FBN3: variants seen among roughly 807,000 people sequenced by gnomAD.
FBN3 encodes the protein fibrillin 3.
A neutral mutation model predicts 330.1 loss-of-function variants in FBN3; 234 were observed. That is an observed-to-expected ratio of 0.71 (90% CI 0.64 to 0.79). The LOEUF is 0.79. Among genes scored for constraint, FBN3 ranks in the 30% least tolerant of loss-of-function variants. FBN3 has a pLI of 0.00. For synonymous variants in FBN3, 1,458 were observed against 1,517.3 expected (o/e 0.96, Z 0.91); for missense variants, 3,606 against 3,886.9 (o/e 0.93, Z 1.92).
intron 18 of FBN3, among the ~76,000 whole-genome samples, 155 bp downstream of exon 18, chr19:8,128,871 ATG>A (rs113153006): frequency 0.018 from 2,721 of 152,266 alleles, 88 homozygotes; most frequent in African/African-American, 0.063. Flanking sequence ...GTGTGCATAT[ATG>A]TGTGTGTGCA....
chr19:8,100,119 A>G (rs1435777534), intron 41 of FBN3, among the ~76,000 whole-genome samples: 2 of 152,056 alleles, frequency 1.3e-5, no homozygotes, highest in African/African-American at 4.8e-5. Flanking sequence ...AACAAATCCT[A>G]CGTGGTTCCA....
chr19:8,102,343 T>C (rs1281360678), intron 40 of FBN3, among the ~76,000 whole-genome samples: 1 of 152,064 alleles, frequency 6.6e-6, no homozygotes, highest in Non-Finnish European at 1.5e-5. Context: ...GCCTCCCAAG[T>C]AGCTGGGATT....
At chr19:8,120,770 C>A (rs2082828309) in intron 25 of FBN3, among the ~76,000 whole-genome samples, 1 of 152,240 alleles carries the variant, frequency 6.6e-6, no homozygotes, top group South Asian at 2.1e-4. Context: ...GGCCACTGCA[C>A]CCAGCCCAGT....
intron 13 of FBN3, 25 bp downstream of exon 13, chr19:8,135,936 G>GCA: frequency 2.1e-5 from 14 of 668,770 alleles, no homozygotes; most frequent in South Asian, 4.9e-5. Context: ...GGAAGCCCCT[G>GCA]CCCACCCGCC....
chr19:8,113,090 C>T (rs1002130168), intron 30 of FBN3, among the ~76,000 whole-genome samples: 1 of 152,148 alleles, frequency 6.6e-6, no homozygotes, highest in Non-Finnish European at 1.5e-5. Context: ...GAGGTCATCC[C>T]GGATTAGTGT....
chr19:8,120,689 C>A (rs548333944), intron 25 of FBN3, among the ~76,000 whole-genome samples: 11 of 152,310 alleles, frequency 7.2e-5, no homozygotes, highest in Admixed American at 6.5e-4. Flanking sequence ...GTTGCCCAGG[C>A]TGGCCTCGAA....
chr19:8,089,040 GAATGAGTGAATAAGTGAGTA>G (rs1413446999), intron 51 of FBN3, among the ~76,000 whole-genome samples: 2 of 152,044 alleles, frequency 1.3e-5, no homozygotes, highest in African/African-American at 4.8e-5. Flanking sequence ...GCAAATGAGT[GAATGAGTGAATAAGTGAGTA>G]AATGAATAAG....
rs1311732803 is a variant in FBN3 at position 8,131,329 on chromosome 19, A to G, written c.1991-41T>C. The G allele has an allele frequency of 6.2e-7, 1 of 1,603,446 alleles. No homozygotes were observed. The highest frequency in any genetic ancestry group is 8.5e-7 in the Non-Finnish European group (1 of 1,174,238). On this transcript the variant is annotated intron_variant, in intron 15 of 63. Transcript: ENST00000600128. This position sits in a 1 kb window ranked among gnomAD's most constrained non-coding sequence, Gnocchi z 4.5. ...CAGAGTGAGACGGGTCAGGGAGCTTAGCCATGGCTCGGATTCAGCCACAGG... is the reference window on the plus strand; with the variant it reads ...CAGAGTGAGACGGGTCAGGGAGCTTGGCCATGGCTCGGATTCAGCCACAGG...
At chr19:8,116,632 TG>T in intron 29 of FBN3, 41 bp downstream of exon 29, 1 of 1,582,014 alleles carries the variant, frequency 6.3e-7, no homozygotes, top group Non-Finnish European at 8.7e-7. Flanking sequence ...ATTCTGACAC[TG>T]CCTCCTCCAC....
chr19:8,109,856 C>T lies in FBN3; in HGVS notation c.4334-103G>A. On this transcript the variant is annotated intron_variant, in intron 34 of 63. Transcript: ENST00000600128. This position sits in a 1 kb window ranked among gnomAD's most constrained non-coding sequence, Gnocchi z 5.2. ...TACAGCCCTCGCTCAAGGTCAACTC[C>T]TGGGCACCAGATTGTGGGACAATGT... 1 of 1,279,952 alleles carries T rather than the reference C, an allele frequency of 7.8e-7. No homozygotes were observed. The highest frequency in any genetic ancestry group is 1.9e-5 in the South Asian group (1 of 51,744). 79.3% of individuals were successfully genotyped at this position (1,279,952 alleles called of 1,614,324 possible).
chr19:8,097,288 C>A lies in FBN3; in HGVS notation c.5287+1G>T, dbSNP rs2082232240. On this transcript the variant is annotated splice_donor_variant, in intron 42 of 63. Transcript: ENST00000600128. LOFTEE classifies it high-confidence loss of function. ...GGGCTGGGAACAGGGAGAGGTGGCACCTTCACAAGCCAGCAGGATGCTGTT... is the reference window on the plus strand; with the variant it reads ...GGGCTGGGAACAGGGAGAGGTGGCAACTTCACAAGCCAGCAGGATGCTGTT... 2 of 1,602,868 alleles carry A rather than the reference C, an allele frequency of 1.2e-6. No individual in the cohort carries two copies. The highest frequency in any genetic ancestry group is 1.7e-6 in the Non-Finnish European group (2 of 1,171,704).
In FBN3 at chr19:8,109,627, T is replaced by C. The variant is rs76556785; in HGVS notation, c.4456+4A>G. 157,155 of 1,591,188 alleles carry C rather than the reference T, an allele frequency of 0.099. 8,633 individuals carry two copies. Among genetic ancestry groups the C allele is most frequent in the South Asian group, 0.12 (10,495 of 87,206 alleles). The stretch of plus-strand genomic sequence containing the variant: ...CCCTGATCTGGAGTTGAGCATGGAC[T>C]CACCCACGCAGCCCACTCCGCTGGG... On this transcript the variant is annotated splice_donor_region_variant and intron_variant, in intron 35 of 63. Coordinates refer to ENST00000600128, the MANE Select transcript of FBN3 (RefSeq NM_032447.5). This position sits in a 1 kb window ranked among gnomAD's most constrained non-coding sequence, Gnocchi z 5.2.
intron 52 of FBN3, 36 bp downstream of exon 52, chr19:8,088,024 T>C: frequency 6.2e-7 from 1 of 1,614,034 alleles, no homozygotes; most frequent in African/African-American, 1.3e-5. Flanking sequence ...GGCATCTCCG[T>C]CACACGGCCC....
At chr19:8,073,362 C>T (rs2081568150) in intron 61 of FBN3, 65 bp from the exon 62 acceptor site, 9 of 1,302,228 alleles carry the variant, frequency 6.9e-6, no homozygotes, top group Admixed American at 2.1e-5. Flanking sequence ...TTCACACCCC[C>T]AGAGCCCTCC....
At chr19:8,074,913 T>C (rs1207004643) in intron 61 of FBN3, 158 bp downstream of exon 61, 2 of 906,678 alleles carry the variant, frequency 2.2e-6, no homozygotes, top group African/African-American at 1.7e-5. Flanking sequence ...GCACCTTGAC[T>C]CCCCAGCAGT....
Position 8,136,502 on chromosome 19 carries a change from T to G in FBN3, c.1231A>C (p.Ile411Leu). 1 of 1,614,108 alleles carries G rather than the reference T, an allele frequency of 6.2e-7. No individual in the cohort carries two copies. Among genetic ancestry groups the G allele is most frequent in the South Asian group, 1.1e-5 (1 of 91,090 alleles). ...CACAGGTTGGTGAAGTGTCGGCAGA[T>G]GTCAATGGTCTGGTTCAGGGTAGCA... is the stretch of plus-strand genomic sequence containing the variant. ...GTATLNQTID[I>L]CRHFTNLCLN... The change falls in exon 11 of 64, where the codon ATC (isoleucine) becomes CTC (leucine). Residue 411 changes from isoleucine (I) to leucine (L), a missense_variant. Transcript: ENST00000600128.
rs1423570434 is a variant in FBN3 at position 8,118,906 on chromosome 19, C to T, written c.3328G>A (p.Ala1110Thr). The T allele has an allele frequency of 1.9e-6, 3 of 1,611,298 alleles. No individual in the cohort carries two copies. Among genetic ancestry groups the T allele is most frequent in the Non-Finnish European group, 8.5e-7 (1 of 1,177,602 alleles). The change falls in exon 26 of 64, where the codon GCC becomes ACC. Residue 1110 changes from alanine to threonine, a missense_variant. Ala to Thr is a moderately conservative substitution (Grantham distance 58). Transcript: ENST00000600128. Reference sequence around the variant, plus strand: ...CCAGATGCACACTTACCCTCACAGGCAGTGCCCTTGGCCGTCAGCTCATGC... The same window carrying T: ...CCAGATGCACACTTACCCTCACAGGTAGTGCCCTTGGCCGTCAGCTCATGC... ...PGHELTAKGT[A>T]CEDIDECSLS...
At chr19:8,125,833 G>A (rs755360767) in intron 22 of FBN3, 59 bp downstream of exon 22, 140 of 1,526,006 alleles carry the variant, frequency 9.2e-5, no homozygotes, top group Admixed American at 1.9e-4. Flanking sequence ...AAGTCACTGC[G>A]GGTGGAGGGA....
At chr19:8,082,456 CCCTTCCTTCCTT>C (rs201197502) in intron 57 of FBN3, among the ~76,000 whole-genome samples, 2,682 of 136,196 alleles carry the variant, frequency 0.02, 110 homozygotes, top group African/African-American at 0.071. Context: ...TCCTTCCCTT[CCCTTCCTTCCTT>C]CCTTCCTTCC....
Sources: gnomAD v4.1 joint callset for allele counts (sites outside exome capture counted in the v4.1 genomes callset) on GRCh38, gnomAD v4.1.1 for gene constraint, Gnocchi (gnomAD v3.1) non-coding constraint, MANE v1.5 for transcripts, NCBI Gene and HGNC (gene_info 2026-07-23, HGNC 2026-07-21) for gene names.